The following HEATR4 variants were observed in gnomAD, a reference collection of about 807,000 sequenced individuals.
HEATR4 encodes the protein HEAT repeat-containing protein 4.
A neutral mutation model predicts 108.8 loss-of-function variants in HEATR4; 95 were observed. The observed-to-expected ratio is 0.87, with a 90% CI of 0.74 to 1.04. HEATR4 has a LOEUF of 1.04. Ranked by LOEUF, HEATR4 falls within the 50% of genes least tolerant of loss-of-function variation. The probability of loss-of-function intolerance (pLI) is 0.00; values close to 1 mark genes in which losing one functional copy is unlikely to be tolerated. For synonymous variants in HEATR4, 443 were observed against 459.4 expected, an observed-to-expected ratio of 0.96 and a Z score of 0.46; for missense variants, 1,152 against 1,253.8, an observed-to-expected ratio of 0.92 and a Z score of 1.23.
At chr14:73,574,949 G>A in the HEATR4 span, 1 of 1,604,544 alleles carries the variant, frequency 6.2e-7, no homozygotes, top group Non-Finnish European at 8.5e-7. Context: ...TTTCCAAAGG[G>A]GGTGAGCTCT....
chr14:73,574,708 G>C, the HEATR4 span, among the ~76,000 whole-genome samples: 6 of 152,062 alleles, frequency 3.9e-5, no homozygotes, highest in Non-Finnish European at 7.4e-5. Flanking sequence ...CTTCCACATG[G>C]TTATCACCAA....
chr14:73,513,512 G>A (rs1253595125), intron 6 of HEATR4, among the ~76,000 whole-genome samples: 4 of 150,584 alleles, frequency 2.7e-5, no homozygotes, highest in African/African-American at 9.8e-5. Flanking sequence ...GATCACCTGA[G>A]GTCAGGAGTT....
At chr14:73,612,574 G>A in the HEATR4 span, 3 of 1,393,738 alleles carry the variant, frequency 2.2e-6, no homozygotes, top group African/African-American at 3.0e-5. Flanking sequence ...AGATTGGGAT[G>A]GCAGCGACGC....
the HEATR4 span, chr14:73,569,787 T>G: frequency 6.2e-7 from 1 of 1,605,074 alleles, no homozygotes; most frequent in African/African-American, 1.3e-5. Context: ...GCGGCTGCTG[T>G]GCCAGACGCG....
At chr14:73,588,699 G>A in the HEATR4 span, among the ~76,000 whole-genome samples, 79 of 152,120 alleles carry the variant, frequency 5.2e-4, 1 homozygote, top group Admixed American at 5.1e-3. Flanking sequence ...AGAAAGAAGA[G>A]GTTCCTGGTG....
At position 73,523,237 on chromosome 14, in the gene HEATR4, TG is replaced by T. The variant is rs1458333685; in HGVS notation, c.-72-14del. 3 of 1,329,996 alleles carry T rather than the reference TG, an allele frequency of 2.3e-6. No individual in the cohort carries two copies. The highest frequency in any genetic ancestry group is 2.5e-4 in the Middle Eastern group (1 of 3,948). 82.4% of individuals were successfully genotyped at this position (1,329,996 alleles called of 1,614,324 possible). A position where few individuals can be genotyped will look rare whatever the true frequency, so the allele number is the denominator to read the frequency against. On this transcript the variant is annotated splice_polypyrimidine_tract_variant and intron_variant, in intron 2 of 17. Transcript: ENST00000553558. ...TGAGACCTGGCACCTGTTAAGGGAA[TG>T]GGAGGAACTGATGAGAACTCTAGAG...
chr14:73,607,902 G>T, the HEATR4 span, among the ~76,000 whole-genome samples: 5 of 151,850 alleles, frequency 3.3e-5, no homozygotes, highest in Non-Finnish European at 7.4e-5. Context: ...GGGATTATAG[G>T]CATGAGCCAC....
intron 17 of HEATR4, among the ~76,000 whole-genome samples, chr14:73,483,620 T>C (rs1885335312): frequency 6.6e-6 from 1 of 152,216 alleles, no homozygotes; most frequent in South Asian, 2.1e-4. Flanking sequence ...TGGAAGTTAC[T>C]TCATAAAGGA....
At chr14:73,612,781 C>T in the HEATR4 span, 1 of 1,368,496 alleles carries the variant, frequency 7.3e-7, no homozygotes, top group Non-Finnish European at 9.4e-7. Context: ...CGCTGGGAGG[C>T]AGCTTCGCGG....
chr14:73,570,458 A>G, the HEATR4 span, among the ~76,000 whole-genome samples: 1 of 151,846 alleles, frequency 6.6e-6, no homozygotes, highest in African/African-American at 2.4e-5. Context: ...AGTCCCAGCT[A>G]CTCGGGAGGC....
the HEATR4 span, chr14:73,593,760 A>C: frequency 1.2e-6 from 2 of 1,613,890 alleles, no homozygotes; most frequent in Non-Finnish European, 1.7e-6. Flanking sequence ...GCCTCTTGGA[A>C]TATCGAGCCA....
chr14:73,589,878 G>C, the HEATR4 span, among the ~76,000 whole-genome samples: 65 of 152,232 alleles, frequency 4.3e-4, no homozygotes, highest in African/African-American at 1.4e-3. Flanking sequence ...CAGAAGTGAA[G>C]CTGCAAACCT....
chr14:73,626,867 C>T, the HEATR4 span, among the ~76,000 whole-genome samples: 1 of 136,072 alleles, frequency 7.3e-6, no homozygotes, highest in Non-Finnish European at 1.5e-5. Context: ...GGTACGATCT[C>T]AGCTCACGGC....
the HEATR4 span, among the ~76,000 whole-genome samples, chr14:73,590,436 G>T: frequency 8.3e-4 from 126 of 152,382 alleles, no homozygotes; most frequent in Non-Finnish European, 1.3e-4. Context: ...GCCGCACGGG[G>T]TTCGCAGGTG....
chr14:73,608,080 GTGCCTGCC>G, the HEATR4 span, among the ~76,000 whole-genome samples: 1 of 151,648 alleles, frequency 6.6e-6, no homozygotes, highest in African/African-American at 2.4e-5. Context: ...GCCTGCCACT[GTGCCTGCC>G]TAATTTTTGT....
the HEATR4 span, among the ~76,000 whole-genome samples, chr14:73,623,963 T>C: frequency 2.8e-3 from 419 of 152,038 alleles, 2 homozygotes; most frequent in African/African-American, 9.7e-3. Flanking sequence ...ACTGTGCTTC[T>C]TGTACAGCCT....
the HEATR4 span, among the ~76,000 whole-genome samples, chr14:73,607,985 T>C: frequency 6.8e-6 from 1 of 146,628 alleles, no homozygotes; most frequent in East Asian, 2.1e-4. Flanking sequence ...AGTACAGTGG[T>C]GCAATCTTGA....
chr14:73,488,437 A>AT (rs1158867317), intron 17 of HEATR4, among the ~76,000 whole-genome samples: 1 of 151,858 alleles, frequency 6.6e-6, no homozygotes, highest in East Asian at 1.9e-4. Context: ...TGCCCGGCTA[A>AT]TTTTTTGTAT....
chr14:73,578,857 T>G, the HEATR4 span, among the ~76,000 whole-genome samples: 1 of 151,014 alleles, frequency 6.6e-6, no homozygotes, highest in Non-Finnish European at 1.5e-5. Flanking sequence ...GAGGTTATGG[T>G]GGGCAGTCAC....
Sources: gnomAD v4.1 joint callset for allele counts (sites outside exome capture counted in the v4.1 genomes callset) on GRCh38, gnomAD v4.1.1 for gene constraint, MANE v1.5 for transcripts, NCBI Gene and HGNC (gene_info 2026-07-23, HGNC 2026-07-21) for gene names.